The following PAK4 variants were observed in gnomAD, a reference collection of about 807,000 sequenced individuals.
PAK4 encodes p21 (RAC1) activated kinase 4, also known as serine/threonine-protein kinase PAK 4.
Under a neutral mutation model 53.5 loss-of-function variants are expected in PAK4, and 49 were observed. The observed-to-expected ratio is 0.92, with a 90% CI of 0.73 to 1.16. The LOEUF is 1.16. Among genes scored for constraint, PAK4 ranks in the 50% most tolerant of loss-of-function variants. PAK4 has a pLI of 0.00. For synonymous variants in PAK4, 376 were observed against 375.6 expected (o/e 1.00, Z -0.01); for missense variants, 824 against 850.7 (o/e 0.97, Z 0.39).
At chr19:39,172,770 C>T in intron 2 of PAK4, 148 bp from the exon 4 acceptor site, 1 of 709,682 alleles carries the variant, frequency 1.4e-6, no homozygotes, top group Non-Finnish European at 2.3e-6. Flanking sequence ...CTGCACTGCC[C>T]ATGCCATTGT....
intron 1 of PAK4, among the ~76,000 whole-genome samples, chr19:39,141,555 A>C (rs573226677): frequency 6.6e-6 from 1 of 152,104 alleles, no homozygotes; most frequent in Admixed American, 6.5e-5. Flanking sequence ...ACCTCAAGTG[A>C]TATAACCATC....
At chr19:39,151,854 C>T (rs893792958) in intron 1 of PAK4, among the ~76,000 whole-genome samples, 6 of 152,190 alleles carry the variant, frequency 3.9e-5, no homozygotes, top group East Asian at 3.9e-4. Context: ...CTGCAACCTC[C>T]GCTTCCTGGT....
chr19:39,150,512 C>T (rs910434696), intron 1 of PAK4, among the ~76,000 whole-genome samples: 1 of 152,074 alleles, frequency 6.6e-6, no homozygotes, highest in Non-Finnish European at 1.5e-5. Context: ...GCCCAAACAG[C>T]GCTGCCTCCT....
intron 1 of PAK4, 97 bp from the exon 2 acceptor site, chr19:39,168,133 G>A (rs1185908157): frequency 6.6e-6 from 1 of 152,260 alleles, no homozygotes; most frequent in Non-Finnish European, 1.5e-5. Context: ...GGCTGTCTGG[G>A]TCACTGCAGT....
chr19:39,128,360 G>A (rs1034206252), intron 1 of PAK4, among the ~76,000 whole-genome samples: 2 of 152,158 alleles, frequency 1.3e-5, no homozygotes, highest in African/African-American at 4.8e-5. Context: ...GCTTTCTCTG[G>A]CAGCCACCCC....
chr19:39,145,612 T>C (rs1015204729), intron 1 of PAK4, among the ~76,000 whole-genome samples: 5 of 152,138 alleles, frequency 3.3e-5, no homozygotes, highest in African/African-American at 9.7e-5. Context: ...GGGCACCACA[T>C]AGGACCCAGT....
At chr19:39,174,878 T>C (rs1256595373) in intron 4 of PAK4, 53 bp from the exon 6 acceptor site, 2 of 1,608,730 alleles carry the variant, frequency 1.2e-6, no homozygotes, top group African/African-American at 2.7e-5. Flanking sequence ...TGGCTGGGTC[T>C]GGCACTGGCA....
intron 1 of PAK4, among the ~76,000 whole-genome samples, chr19:39,166,076 T>C (rs926289279): frequency 5.9e-5 from 9 of 152,252 alleles, no homozygotes; most frequent in Non-Finnish European, 1.3e-4. Context: ...GAGCACTTAC[T>C]GTGTGTGTGA....
chr19:39,144,027 T>A (rs1371315798), intron 1 of PAK4, among the ~76,000 whole-genome samples: 3 of 152,070 alleles, frequency 2.0e-5, no homozygotes, highest in Non-Finnish European at 4.4e-5. Context: ...CCAGCCTGGG[T>A]GACAGAGCAA....
At chr19:39,174,954 G>A (rs753374582) in exon 5 of PAK4, 22 of 1,613,794 alleles carry the variant, frequency 1.4e-5, no homozygotes, top group South Asian at 3.3e-5. Context: ...GGGACTACCA[G>A]CACGAGAATG....
chr19:39,151,872 G>A (rs764711472), intron 1 of PAK4, among the ~76,000 whole-genome samples: 3 of 152,150 alleles, frequency 2.0e-5, no homozygotes, highest in Non-Finnish European at 4.4e-5. Flanking sequence ...GGTTTCAAGC[G>A]ATTCTCCCAC....
Position 39,135,576 on chromosome 19 carries a change from C to A in PAK4, c.-23+9657C>A, listed in dbSNP as rs112549341. Among the ~76,000 whole-genome samples the A allele has an allele frequency of 7.4e-3, 1,127 of 152,134 alleles. 16 individuals are homozygous for A. Among genetic ancestry groups the A allele is most frequent in the African/African-American group, 0.025 (1,041 of 41,494 alleles). On this transcript the variant is annotated intron_variant, in intron 1 of 8. Transcript: ENST00000358301. The stretch of plus-strand genomic sequence containing the variant: ...TCTCAAACTCCTGACTTCAAGGGAT[C>A]CACCTGCCTCAGCCTCCCAAGGTGC...
chr19:39,144,386 G>A (rs1428570037), intron 1 of PAK4, among the ~76,000 whole-genome samples: 18 of 152,202 alleles, frequency 1.2e-4, no homozygotes, highest in Non-Finnish European at 1.5e-5. Flanking sequence ...GTAACACTTT[G>A]TAGTGGTCTC....
In PAK4 at chr19:39,169,510, C is replaced by T. The variant is rs367918612; in HGVS notation, c.-22-22C>T. ...GAGACATGGGCAGGCTCTCACTCAC[C>T]CACCGTGATTCCCTCCCGCAGGCCG... On this transcript the variant is annotated intron_variant, in intron 1 of 8. Transcript: ENST00000358301. The T allele has an allele frequency of 1.3e-4, 195 of 1,544,584 alleles. 2 individuals are homozygous for T. The highest frequency in any genetic ancestry group is 5.7e-4 in the Admixed American group (34 of 59,514).
In PAK4 at chr19:39,173,361, A is replaced by G. The variant is rs1366442335; in HGVS notation, c.648A>G (p.Pro216=). 2 of 1,534,690 alleles carry G rather than the reference A, an allele frequency of 1.3e-6. No individual in the cohort carries two copies. The highest frequency in any genetic ancestry group is 4.1e-5 in the Admixed American group (2 of 48,640). The change falls in exon 3 of 9, where the codon CCA becomes CCG. Residue 216 remains proline (P), a synonymous_variant. Transcript: ENST00000358301. The surrounding 1 kb of genome is among the most constrained non-coding windows in gnomAD (Gnocchi z 6.9). ...ACCCGAGGGCTGACACGGACCACCC[A>G]TCCCGGGGTGCCCAGGTAACCCATC... is the stretch of plus-strand genomic sequence containing the variant.
intron 1 of PAK4, among the ~76,000 whole-genome samples, chr19:39,148,398 G>A (rs1435832056): frequency 6.7e-6 from 1 of 148,168 alleles, no homozygotes; most frequent in Middle Eastern, 3.4e-3. Context: ...TTCTTTTATG[G>A]ATTGTGCATT....
At chr19:39,153,883 C>G (rs2074134441) in intron 1 of PAK4, among the ~76,000 whole-genome samples, 1 of 152,140 alleles carries the variant, frequency 6.6e-6, no homozygotes, top group African/African-American at 2.4e-5. Flanking sequence ...GTGCCCAGTC[C>G]AACTCTCCTG....
intron 1 of PAK4, among the ~76,000 whole-genome samples, chr19:39,128,497 A>G (rs183143625): frequency 8.3e-4 from 126 of 152,302 alleles, no homozygotes; most frequent in African/African-American, 3.0e-3. Flanking sequence ...ACAGATAAAG[A>G]AGGATAGGGT....
At chr19:39,128,219 C>T (rs1600292899) in intron 1 of PAK4, among the ~76,000 whole-genome samples, 1 of 152,316 alleles carries the variant, frequency 6.6e-6, no homozygotes, top group East Asian at 1.9e-4. Context: ...GGCTAGAGAG[C>T]CTTGGCCCAA....
Sources: allele counts gnomAD v4.1 joint callset (sites outside exome capture counted in the v4.1 genomes callset), GRCh38; gene constraint gnomAD v4.1.1; non-coding constraint Gnocchi (gnomAD v3.1); transcripts MANE v1.5; gene names NCBI Gene and HGNC (gene_info 2026-07-23, HGNC 2026-07-21).